Variants in ZDHHC9 observed in about 807,000 individuals in gnomAD.
ZDHHC9 encodes the protein zDHHC palmitoyltransferase 9, also known as palmitoyltransferase ZDHHC9.
Under a neutral mutation model 26.6 loss-of-function variants are expected in ZDHHC9, and 3 were observed. That is an observed-to-expected ratio of 0.11 (90% CI 0.05 to 0.29). The LOEUF is 0.29. ZDHHC9 is among the 10% of genes least tolerant of loss of function. ZDHHC9 has a pLI of 1.00. For synonymous variants in ZDHHC9, 111 were observed against 109.4 expected (o/e 1.01, Z -0.09); for missense variants, 146 against 296.4 (o/e 0.49, Z 3.73).
chrX:129,810,890 G>A lies in ZDHHC9; in HGVS notation c.978+15C>T, dbSNP rs367975001. 199 of 1,200,049 alleles carry A rather than the reference G, an allele frequency of 1.7e-4. No individual in the cohort carries two copies. Among genetic ancestry groups the A allele is most frequent in the South Asian group, 7.6e-4 (43 of 56,483 alleles). ...CCTCTCTATATCGACCCAGCCTTAA[G>A]TCAGGAACACTTACTGGGCTCTGTG... is the stretch of plus-strand genomic sequence containing the variant. On this transcript the variant is annotated intron_variant, in intron 10 of 10. Transcript: ENST00000357166.
rs753387074 is a variant in ZDHHC9, at chrX:129,810,954, C to T, written c.929G>A (p.Arg310Gln). Residue 310 changes from arginine (R) to glutamine (Q), a missense_variant, in exon 10 of 11, where the codon CGA (arginine) becomes CAA (glutamine). Arg to Gln is a conservative substitution (Grantham distance 43, BLOSUM62 1). This residue lies in a region of ZDHHC9 where 46 missense variants were observed against 46.4 expected (regional missense o/e 0.99). Transcript: ENST00000357166. ...ACTGGTCTCTTGAGTACTGGGAGGT[C>T]GACTTCCACTTTCCTCCAGTGGCAA... ...GILPLEESGS[R>Q]PPSTQETSSS... 43 of 1,209,294 alleles carry T rather than the reference C, an allele frequency of 3.6e-5. No homozygotes were observed. The highest frequency in any genetic ancestry group is 8.8e-5 in the Admixed American group (4 of 45,680).
chrX:129,824,711 T>C (rs1569320608), intron 4 of ZDHHC9, among the ~76,000 whole-genome samples: 1 of 112,343 alleles, frequency 8.9e-6, no homozygotes, highest in Non-Finnish European at 1.9e-5. Flanking sequence ...ACAGAGTTCC[T>C]TTTAATAGTG....
In ZDHHC9 at chrX:129,806,089, G is replaced by A; in HGVS notation, c.*281C>T. On this transcript the variant is annotated 3_prime_UTR_variant, in exon 11 of 11. Transcript: ENST00000357166. ...TCTGGAGGGAAGAGAGGGGGTCCAA[G>A]GGGACCCTGTGGCTGAGGCCATGGA... is the stretch of plus-strand genomic sequence containing the variant. 1 of 346,365 alleles carries A rather than the reference G, an allele frequency of 2.9e-6. No homozygotes were observed. Among genetic ancestry groups the A allele is most frequent in the Non-Finnish European group, 5.1e-6 (1 of 194,587 alleles). 28.5% of individuals were successfully genotyped at this position (346,365 alleles called of 1,213,427 possible).
intron 5 of ZDHHC9, among the ~76,000 whole-genome samples, chrX:129,815,163 T>C (rs1204749859): frequency 2.7e-5 from 3 of 111,234 alleles, no homozygotes; most frequent in African/African-American, 9.8e-5. Flanking sequence ...CAGGTCAAAA[T>C]AGCCAAGGAA....
chrX:129,841,432 G>A (rs1928378260), intron 3 of ZDHHC9, among the ~76,000 whole-genome samples: 3 of 111,802 alleles, frequency 2.7e-5, no homozygotes, highest in African/African-American at 9.8e-5. Flanking sequence ...TAACAATGAG[G>A]GGTGCCCTCA....
intron 4 of ZDHHC9, among the ~76,000 whole-genome samples, chrX:129,826,984 G>A (rs1039274058): frequency 6.3e-5 from 7 of 111,332 alleles, no homozygotes; most frequent in Non-Finnish European, 1.1e-4. Context: ...ACTTGAGGTC[G>A]GGAGTTCAAG....
intron 4 of ZDHHC9, among the ~76,000 whole-genome samples, chrX:129,827,465 T>G (rs1387281247): frequency 1.8e-5 from 2 of 110,994 alleles, no homozygotes; most frequent in Non-Finnish European, 3.8e-5. Context: ...TGACTCAAGC[T>G]ACCTGGGTAC....
At chrX:129,838,696 T>TA (rs60788077) in intron 3 of ZDHHC9, among the ~76,000 whole-genome samples, 14,572 of 102,544 alleles carry the variant, frequency 0.14, 2,678 homozygotes, top group African/African-American at 0.49. Flanking sequence ...AAAAAATAAT[T>TA]AAAAAAAAAA....
chrX:129,835,102 G>A (rs1928227486), intron 3 of ZDHHC9, among the ~76,000 whole-genome samples: 1 of 112,060 alleles, frequency 8.9e-6, no homozygotes, highest in South Asian at 3.7e-4. Context: ...TACCACAAAA[G>A]GAAATAGAGG....
chrX:129,828,514 C>A (rs996099298), intron 4 of ZDHHC9, among the ~76,000 whole-genome samples: 1 of 110,214 alleles, frequency 9.1e-6, no homozygotes, highest in Non-Finnish European at 1.9e-5. Flanking sequence ...CCCAGCTACT[C>A]GGGAGGCTGA....
chrX:129,807,099 T>C (rs1927532945), intron 10 of ZDHHC9, among the ~76,000 whole-genome samples: 1 of 112,553 alleles, frequency 8.9e-6, no homozygotes, highest in Non-Finnish European at 1.9e-5. Flanking sequence ...ATTCAAAATT[T>C]AGGAAAGGCA....
intron 3 of ZDHHC9, among the ~76,000 whole-genome samples, chrX:129,830,018 T>C (rs1036808492): frequency 8.9e-6 from 1 of 112,084 alleles, no homozygotes; most frequent in Non-Finnish European, 1.9e-5. Flanking sequence ...TAGATCCTAC[T>C]ATACCCATTT....
At chrX:129,810,121 C>T (rs985049373) in intron 10 of ZDHHC9, among the ~76,000 whole-genome samples, 7 of 109,360 alleles carry the variant, frequency 6.4e-5, no homozygotes, top group African/African-American at 1.3e-4. Flanking sequence ...GAGGCTGAGG[C>T]GGGAGGATCA....
At chrX:129,819,571 C>A (rs907974216) in intron 5 of ZDHHC9, among the ~76,000 whole-genome samples, 1 of 111,721 alleles carries the variant, frequency 9.0e-6, no homozygotes, top group Non-Finnish European at 1.9e-5. Flanking sequence ...TTTCTTTATA[C>A]ATCATTAGAT....
intron 7 of ZDHHC9, among the ~76,000 whole-genome samples, chrX:129,813,232 T>C (rs1927684531): frequency 8.9e-6 from 1 of 112,254 alleles, no homozygotes; most frequent in Non-Finnish European, 1.9e-5. Context: ...CCCCCGTCTC[T>C]ATTAAAAATA....
intron 5 of ZDHHC9, 61 bp downstream of exon 5, chrX:129,823,614 ACCAC>A: frequency 8.5e-7 from 1 of 1,180,057 alleles, no homozygotes; most frequent in Non-Finnish European, 1.2e-6. Context: ...AAAATTGGTG[ACCAC>A]CCTGACTTTC....
At chrX:129,808,199 T>C (rs1763977985) in intron 10 of ZDHHC9, among the ~76,000 whole-genome samples, 1 of 112,035 alleles carries the variant, frequency 8.9e-6, no homozygotes, top group South Asian at 3.7e-4. Flanking sequence ...CTGGCTTCTT[T>C]TCATAAATGA....
chrX:129,823,773 T>A lies in ZDHHC9; in HGVS notation c.393A>T (p.Ile131=). 1 of 1,211,136 alleles carries A rather than the reference T, an allele frequency of 8.3e-7. No individual in the cohort carries two copies. The highest frequency in any genetic ancestry group is 1.1e-6 in the Non-Finnish European group (1 of 895,350). ...RPPPRIKNFQ[I]NNQIVKLKYC... ...ATTTCAGTTTCACAATCTGGTTGTT[T>A]ATCTGGAAATTCTTGATACGAGGCG... Residue 131 remains isoleucine (I), a synonymous_variant, in exon 5 of 11, where the codon ATA becomes ATT. Transcript: ENST00000357166.
intron 5 of ZDHHC9, among the ~76,000 whole-genome samples, chrX:129,819,172 CAAAAAAAAAAAAAAAA>C (rs10555509): frequency 2.8e-5 from 1 of 36,083 alleles, no homozygotes; most frequent in African/African-American, 1.1e-4. Flanking sequence ...GCCTCCGTCT[CAAAAAAAAAAAAAAAA>C]AAAAAAAAAG....
Sources: allele counts gnomAD v4.1 joint callset (sites outside exome capture counted in the v4.1 genomes callset), GRCh38; gene constraint gnomAD v4.1.1; regional missense constraint gnomAD v4.1.1; transcripts MANE v1.5; gene names NCBI Gene and HGNC (gene_info 2026-07-23, HGNC 2026-07-21).